The following ANKS1A variants were observed in gnomAD, a reference collection of about 807,000 sequenced individuals.
The protein encoded by ANKS1A is ankyrin repeat and sterile alpha motif domain containing 1A, also known as ankyrin repeat and SAM domain-containing protein 1A.
In ANKS1A, 55 loss-of-function variants were observed where a neutral mutation model predicts 120.3. The observed-to-expected ratio is 0.46, with a 90% CI of 0.37 to 0.57. ANKS1A has a LOEUF of 0.57. Among genes scored for constraint, ANKS1A ranks in the 20% least tolerant of loss-of-function variants. The probability of loss-of-function intolerance (pLI) is 0.00; values close to 1 mark genes in which losing one functional copy is unlikely to be tolerated. For synonymous variants in ANKS1A, 590 were observed against 604.7 expected, an observed-to-expected ratio of 0.98 and a Z score of 0.36; for missense variants, 1,123 against 1,480.3, an observed-to-expected ratio of 0.76 and a Z score of 3.96.
intron 13 of ANKS1A, among the ~76,000 whole-genome samples, chr6:35,075,710 G>A (rs1471324139): frequency 6.6e-6 from 1 of 152,096 alleles, no homozygotes; most frequent in Non-Finnish European, 1.5e-5. Flanking sequence ...ACCGCGCCTG[G>A]CCAAAAGGTT....
At chr6:34,964,343 C>T (rs1324803147) in intron 1 of ANKS1A, among the ~76,000 whole-genome samples, 2 of 152,104 alleles carry the variant, frequency 1.3e-5, no homozygotes, top group Non-Finnish European at 2.9e-5. Flanking sequence ...GAATACAGAA[C>T]GCAATAGGAA....
intron 10 of ANKS1A, among the ~76,000 whole-genome samples, chr6:35,014,472 G>C (rs1338178231): frequency 2.0e-5 from 3 of 151,930 alleles, no homozygotes; most frequent in African/African-American, 7.3e-5. Flanking sequence ...CTTCCCCTTG[G>C]CATGTGTCTG....
Position 34,889,316 on chromosome 6 carries a change from G to A in ANKS1A, c.-87G>A, listed in dbSNP as rs769054409. 3.3e-6 allele frequency: 4 copies of A among 1,224,788 alleles called. No individual in the cohort carries two copies. In the South Asian group the frequency reaches 1.6e-4, roughly 49 times the overall value. The allele number at this position is 1,224,788 out of a possible 1,614,324, so 75.9% of individuals were successfully genotyped here. A position where few individuals can be genotyped will look rare whatever the true frequency, so the allele number is the denominator to read the frequency against. On this transcript the variant is annotated 5_prime_UTR_variant, in exon 1 of 24. Coordinates refer to ENST00000360359, the MANE Select transcript of ANKS1A (RefSeq NM_015245.3). The surrounding 1 kb of genome is among the most constrained non-coding windows in gnomAD (Gnocchi z 5.5). ...GGTGTCCCCAGCCGGTTTGGGGGGT[G>A]CGTTGCCCGGAGACGGAAAGTTTGG...
chr6:35,009,853 AGATC>A (rs1773653964), intron 10 of ANKS1A: 1 of 183,976 alleles, frequency 5.4e-6, no homozygotes, highest in Non-Finnish European at 1.1e-5. Context: ...CAGTGAACCA[AGATC>A]ACACCACTGC....
chr6:35,083,780 T>C (rs575996918), intron 20 of ANKS1A, among the ~76,000 whole-genome samples: 2 of 152,218 alleles, frequency 1.3e-5, no homozygotes, highest in East Asian at 3.9e-4. Context: ...TGTGATTCCC[T>C]CCGTGAGCAA....
At chr6:34,914,774 A>G (rs1406918955) in intron 1 of ANKS1A, among the ~76,000 whole-genome samples, 3 of 152,232 alleles carry the variant, frequency 2.0e-5, no homozygotes, top group Admixed American at 1.3e-4. Context: ...TGAGAAGAGC[A>G]TTAACATTGT....
At chr6:34,974,460 C>T (rs940217551) in intron 3 of ANKS1A, among the ~76,000 whole-genome samples, 20 of 149,370 alleles carry the variant, frequency 1.3e-4, no homozygotes, top group South Asian at 2.2e-4. Context: ...AAAGGGTCTC[C>T]CTCTGTTGCC....
At chr6:35,009,464 G>A (rs546506765) in intron 10 of ANKS1A, among the ~76,000 whole-genome samples, 2 of 152,254 alleles carry the variant, frequency 1.3e-5, no homozygotes, top group African/African-American at 4.8e-5. Flanking sequence ...GGTTTCAAAT[G>A]TGTTAAGTTT....
In ANKS1A at chr6:35,082,934, C is replaced by G; in HGVS notation, c.2835+118C>G. The G allele has an allele frequency of 6.7e-7, 1 of 1,484,438 alleles. No homozygotes were observed. The allele number at this position is 1,484,438 out of a possible 1,614,324, so 92.0% of individuals were successfully genotyped here. On this transcript the variant is annotated intron_variant, in intron 18 of 23. Coordinates refer to ENST00000360359, the MANE Select transcript of ANKS1A (RefSeq NM_015245.3). This position sits in a 1 kb window ranked among gnomAD's most constrained non-coding sequence, Gnocchi z 4.1. The stretch of plus-strand genomic sequence containing the variant: ...CCAGGCCCAGGGCTTTTGAGCTGTT[C>G]TCCACTCTCAGCCACTCTTGACAGC...
Position 35,088,635 on chromosome 6 carries a change from C to T in ANKS1A, c.*26C>T, listed in dbSNP as rs774965992. 1.3e-5 allele frequency: 21 copies of T among 1,614,100 alleles called. No individual in the cohort carries two copies. Among genetic ancestry groups the T allele is most frequent in the African/African-American group, 9.3e-5 (7 of 74,954 alleles). ...GCCACTGAGGAACCACACTGTGCTG[C>T]GGAAACATAGACGTGGGGGCATAGG... On this transcript the variant is annotated 3_prime_UTR_variant, in exon 24 of 24. Coordinates refer to ENST00000360359, the MANE Select transcript of ANKS1A (RefSeq NM_015245.3).
In ANKS1A at chr6:35,050,083, T is replaced by C. The variant is rs1775899559; in HGVS notation, c.2011-4016T>C. On this transcript the variant is annotated intron_variant, in intron 11 of 23. Coordinates refer to ENST00000360359, the MANE Select transcript of ANKS1A (RefSeq NM_015245.3). This position sits in a 1 kb window ranked among gnomAD's most constrained non-coding sequence, Gnocchi z 4.3. ...ATCCCCACCCCGTGGGCAGCCAGAATCCTGCGGTCTAAACAAGCAGATGTC... is the reference window on the plus strand; with the variant it reads ...ATCCCCACCCCGTGGGCAGCCAGAACCCTGCGGTCTAAACAAGCAGATGTC... Among the ~76,000 whole-genome samples the C allele has an allele frequency of 6.6e-6, 1 of 152,210 alleles. No homozygotes were observed. The highest frequency in any genetic ancestry group is 2.4e-5 in the African/African-American group (1 of 41,450).
intron 11 of ANKS1A, among the ~76,000 whole-genome samples, chr6:35,053,076 G>A (rs529176273): frequency 7.5e-4 from 115 of 152,368 alleles, no homozygotes; most frequent in Non-Finnish European, 1.4e-3. Context: ...TTGTCTGCCA[G>A]CTGAAGGCTG....
chr6:35,079,464 C>T, intron 14 of ANKS1A, 52 bp from the exon 15 acceptor site: 1 of 1,605,060 alleles, frequency 6.2e-7, no homozygotes, highest in Non-Finnish European at 8.5e-7. Flanking sequence ...TCCTCGGGTC[C>T]CTCTCCTGTG....
In ANKS1A at chr6:35,067,057, C is replaced by T. The variant is rs1008415581; in HGVS notation, c.2184+6804C>T. On this transcript the variant is annotated intron_variant, in intron 13 of 23. Transcript: ENST00000360359. Reference sequence around the variant, plus strand: ...CCGGGATTGGAACCCCTTTCTACCACAGCTGCTTTGCATAGTAGCTGGTAC... The same window carrying T: ...CCGGGATTGGAACCCCTTTCTACCATAGCTGCTTTGCATAGTAGCTGGTAC... 2.0e-5 allele frequency among the ~76,000 whole-genome samples: 3 copies of T among 152,224 alleles called. No homozygotes were observed. The East Asian group carries it at 5.8e-4, about 29-fold the overall frequency.
chr6:34,903,374 C>T (rs564788239), intron 1 of ANKS1A, among the ~76,000 whole-genome samples: 12 of 151,460 alleles, frequency 7.9e-5, no homozygotes, highest in Admixed American at 7.2e-4. Flanking sequence ...AAGAGAGGAT[C>T]TTGCTCTGTT....
At chr6:34,929,209 C>T (rs1768856582) in intron 1 of ANKS1A, among the ~76,000 whole-genome samples, 2 of 152,302 alleles carry the variant, frequency 1.3e-5, no homozygotes, top group South Asian at 4.1e-4. Flanking sequence ...TTGGTACTAG[C>T]AGGCTTTCAA....
chr6:34,920,344 T>C (rs1768370930), intron 1 of ANKS1A, among the ~76,000 whole-genome samples: 1 of 152,014 alleles, frequency 6.6e-6, no homozygotes, highest in Admixed American at 6.6e-5. Context: ...GCCTCTTGAG[T>C]GGCTGGGACT....
At chr6:35,010,631 G>A (rs1449965152) in intron 10 of ANKS1A, among the ~76,000 whole-genome samples, 1 of 152,176 alleles carries the variant, frequency 6.6e-6, no homozygotes, top group African/African-American at 2.4e-5. Flanking sequence ...GGGAGAGTGA[G>A]TACTGGGGGC....
At chr6:34,939,925 T>C (rs1028030370) in intron 1 of ANKS1A, among the ~76,000 whole-genome samples, 1 of 152,162 alleles carries the variant, frequency 6.6e-6, no homozygotes, top group African/African-American at 2.4e-5. Context: ...CTAAGAAATA[T>C]GGTTGCTGCT....
Sources: gnomAD v4.1 joint callset for allele counts (sites outside exome capture counted in the v4.1 genomes callset) on GRCh38, gnomAD v4.1.1 for gene constraint, Gnocchi (gnomAD v3.1) non-coding constraint, MANE v1.5 for transcripts, NCBI Gene and HGNC (gene_info 2026-07-23, HGNC 2026-07-21) for gene names.